NCKAP1: variants seen among roughly 807,000 people sequenced by gnomAD.
NCKAP1 encodes the protein NCK associated protein 1.
A neutral mutation model predicts 151.2 loss-of-function variants in NCKAP1; 21 were observed. The observed-to-expected ratio is 0.14, with a 90% CI of 0.10 to 0.20. The LOEUF (loss-of-function observed/expected upper bound fraction) is 0.20, where lower values mean the gene tolerates loss of function less well. Among genes scored for constraint, NCKAP1 ranks in the 10% least tolerant of loss-of-function variants. NCKAP1 has a pLI of 1.00. For missense variants in NCKAP1, 933 were observed against 1,352.1 expected, an observed-to-expected ratio of 0.69 and a Z score of 4.86; for synonymous variants, 484 against 451.8, an observed-to-expected ratio of 1.07 and a Z score of -0.90.
In NCKAP1 at chr2:182,953,115, A is replaced by T. The variant is rs1365055113; in HGVS notation, c.2370T>A (p.Asn790Lys). 1 of 1,598,406 alleles carries T rather than the reference A, an allele frequency of 6.3e-7. No individual in the cohort carries two copies. The part of the protein sequence containing the change: ...GEPTITSLYT[N>K]WYLETLLRQV... ...AAATTTCTAAATGCATTCCTTACCA[A>T]TTTGTGTATAGACTTGTAATGGTTG... Residue 790 changes from asparagine to lysine, a missense_variant and splice_region_variant, in exon 21 of 31, where the codon AAT (asparagine) becomes AAA (lysine). Physicochemically the swap from Asn to Lys is moderately conservative, Grantham distance 94 (BLOSUM62 0). Around this residue, in one of 2 missense-constraint regions of NCKAP1, gnomAD observed 326 missense variants for 557.1 expected, o/e 0.59. Transcript: ENST00000361354.
chr2:183,015,793 T>C (rs1698672326), intron 2 of NCKAP1, among the ~76,000 whole-genome samples: 1 of 149,836 alleles, frequency 6.7e-6, no homozygotes. Context: ...CACTGTATAA[T>C]TACAGAACCA....
In NCKAP1 at chr2:182,923,475, G is replaced by A. The variant is rs751656575; in HGVS notation, c.*2227C>T. On this transcript the variant is annotated 3_prime_UTR_variant, in exon 31 of 31. Coordinates refer to ENST00000361354, the MANE Select transcript of NCKAP1 (RefSeq NM_013436.5). ...TTTAGTAGTGTCAGGGTTTTGCCAT[G>A]TTGGCCAGGCTGGTGTTGAACTCCT... The A allele has an allele frequency of 2.6e-5, 4 of 152,198 alleles. No homozygotes were observed. The highest frequency in any genetic ancestry group is 4.4e-5 in the Non-Finnish European group (3 of 68,062). 9.4% of individuals were successfully genotyped at this position (152,198 alleles called of 1,614,324 possible).
rs977276835 is a variant in NCKAP1, at chr2:182,918,670, T to C, written c.*7032A>G. The C allele has an allele frequency of 6.6e-6, 1 of 152,136 alleles. No homozygotes were observed. The highest frequency in any genetic ancestry group is 6.6e-5 in the Admixed American group (1 of 15,266). 9.4% of individuals were successfully genotyped at this position (152,136 alleles called of 1,614,324 possible). On this transcript the variant is annotated 3_prime_UTR_variant, in exon 31 of 31. Coordinates refer to ENST00000361354, the MANE Select transcript of NCKAP1 (RefSeq NM_013436.5). Reference sequence around the variant, plus strand: ...GGCATACAGAGTGATATCATGGACTTTGGAGACTCAGAAGTGGGAGGATGG... The same window carrying C: ...GGCATACAGAGTGATATCATGGACTCTGGAGACTCAGAAGTGGGAGGATGG...
rs1387969651 is a variant in NCKAP1 at position 182,913,384 on chromosome 2, A to T, written c.*12318T>A. On this transcript the variant is annotated 3_prime_UTR_variant, in exon 31 of 31. Coordinates refer to ENST00000361354, the MANE Select transcript of NCKAP1 (RefSeq NM_013436.5). Reference sequence around the variant, plus strand: ...AGAGCTCTGCCCTCATGAGTGAATGAATTTATTTCTAGATTAATGGATTGA... The same window carrying T: ...AGAGCTCTGCCCTCATGAGTGAATGTATTTATTTCTAGATTAATGGATTGA... 1 of 152,154 alleles carries T rather than the reference A, an allele frequency of 6.6e-6. No homozygotes were observed. Among genetic ancestry groups the T allele is most frequent in the Non-Finnish European group, 1.5e-5 (1 of 68,026 alleles). 9.4% of individuals were successfully genotyped at this position (152,154 alleles called of 1,614,324 possible).
intron 23 of NCKAP1, among the ~76,000 whole-genome samples, chr2:182,949,129 A>G (rs1364212312): frequency 6.6e-6 from 1 of 152,192 alleles, no homozygotes; most frequent in Non-Finnish European, 1.5e-5. Context: ...AAAAATTACT[A>G]CTTAGATACT....
chr2:183,031,399 C>T (rs187099851), intron 1 of NCKAP1, among the ~76,000 whole-genome samples: 30 of 152,084 alleles, frequency 2.0e-4, no homozygotes, highest in African/African-American at 6.3e-4. Context: ...TATTGTCATA[C>T]CTTTGCGGTT....
At position 182,921,645 on chromosome 2, in the gene NCKAP1, G is replaced by A. The variant is rs973015407; in HGVS notation, c.*4057C>T. 4 of 152,146 alleles carry A rather than the reference G, an allele frequency of 2.6e-5. No individual in the cohort carries two copies. The highest frequency in any genetic ancestry group is 9.7e-5 in the African/African-American group (4 of 41,422). 9.4% of individuals were successfully genotyped at this position (152,146 alleles called of 1,614,324 possible). A position where few individuals can be genotyped will look rare whatever the true frequency, so the allele number is the denominator to read the frequency against. On this transcript the variant is annotated 3_prime_UTR_variant, in exon 31 of 31. Coordinates refer to ENST00000361354, the MANE Select transcript of NCKAP1 (RefSeq NM_013436.5). ...CAGAAATGAGACATGGCCCTCTGTGGCTAGGATCCTAACTTCAGATTGCTA... is the reference window on the plus strand; with the variant it reads ...CAGAAATGAGACATGGCCCTCTGTGACTAGGATCCTAACTTCAGATTGCTA...
intron 1 of NCKAP1, among the ~76,000 whole-genome samples, chr2:183,036,990 T>C (rs1699114637): frequency 6.6e-6 from 1 of 152,212 alleles, no homozygotes; most frequent in Non-Finnish European, 1.5e-5. Flanking sequence ...AATATCTCTT[T>C]TTCTCTTTAT....
chr2:182,973,641 T>C (rs1395273370), intron 15 of NCKAP1, among the ~76,000 whole-genome samples: 2 of 152,176 alleles, frequency 1.3e-5, no homozygotes, highest in East Asian at 1.9e-4. Flanking sequence ...CAACCACTAC[T>C]GGCTATCTAT....
At chr2:183,034,800 C>T (rs1229028313) in intron 1 of NCKAP1, among the ~76,000 whole-genome samples, 1 of 152,108 alleles carries the variant, frequency 6.6e-6, no homozygotes, top group Non-Finnish European at 1.5e-5. Context: ...AATTTCTACT[C>T]TACTACTTCA....
rs1250342239 is a variant in NCKAP1, at chr2:182,994,947, G to A, written c.742-60C>T. On this transcript the variant is annotated intron_variant, in intron 7 of 30. Coordinates refer to ENST00000361354, the MANE Select transcript of NCKAP1 (RefSeq NM_013436.5). ...GAAATTCTAAAAAATATTCCATATTGAGCCACTCTCCTCCCTTTCTCCTGA... is the reference window on the plus strand; with the variant it reads ...GAAATTCTAAAAAATATTCCATATTAAGCCACTCTCCTCCCTTTCTCCTGA... 9.8e-6 allele frequency: 13 copies of A among 1,331,692 alleles called. No homozygotes were observed. In the East Asian group the frequency reaches 2.1e-4, roughly 21 times the overall value. 82.5% of individuals were successfully genotyped at this position (1,331,692 alleles called of 1,614,324 possible).
chr2:182,951,533 G>A (rs950338822), intron 23 of NCKAP1, among the ~76,000 whole-genome samples: 1 of 150,774 alleles, frequency 6.6e-6, no homozygotes, highest in Non-Finnish European at 1.5e-5. Flanking sequence ...GCCAGGCTTG[G>A]TGGTGCGTGC....
intron 23 of NCKAP1, among the ~76,000 whole-genome samples, chr2:182,943,936 G>T (rs1267004211): frequency 6.6e-6 from 1 of 152,136 alleles, no homozygotes; most frequent in African/African-American, 2.4e-5. Flanking sequence ...AATCCCTAAA[G>T]AAATGGTTCC....
chr2:182,928,056 G>A (rs985786603), intron 29 of NCKAP1, 61 bp downstream of exon 29: 5 of 1,141,002 alleles, frequency 4.4e-6, no homozygotes, highest in Non-Finnish European at 6.4e-6. Context: ...TACATTTTGT[G>A]GTTGTGAATT....
chr2:182,936,772 C>T (rs1559072673), intron 24 of NCKAP1, among the ~76,000 whole-genome samples: 1 of 152,150 alleles, frequency 6.6e-6, no homozygotes, highest in Non-Finnish European at 1.5e-5. Flanking sequence ...GCAGGAACTA[C>T]TCTTAATCTT....
chr2:182,974,730 ATG>A (rs1295631425), intron 15 of NCKAP1, among the ~76,000 whole-genome samples: 1 of 152,182 alleles, frequency 6.6e-6, no homozygotes, highest in African/African-American at 2.4e-5. Context: ...CTTCAGAACT[ATG>A]AAATAATACA....
At chr2:182,959,119 A>T (rs1472000181) in intron 18 of NCKAP1, among the ~76,000 whole-genome samples, 4 of 152,236 alleles carry the variant, frequency 2.6e-5, no homozygotes. Context: ...AAGGAAAGTT[A>T]TTTAGTCATT....
chr2:183,030,525 G>A (rs566738729), intron 1 of NCKAP1, among the ~76,000 whole-genome samples: 5 of 152,266 alleles, frequency 3.3e-5, no homozygotes, highest in South Asian at 2.1e-4. Context: ...AATGCTATTC[G>A]TGAGGGCACA....
intron 18 of NCKAP1, among the ~76,000 whole-genome samples, chr2:182,957,969 T>C (rs146843486): frequency 9.9e-5 from 15 of 152,268 alleles, no homozygotes; most frequent in African/African-American, 3.1e-4. Context: ...AAAGATATGA[T>C]GGTTCAGAGC....
Sources: allele counts gnomAD v4.1 joint callset (sites outside exome capture counted in the v4.1 genomes callset), GRCh38; gene constraint gnomAD v4.1.1; regional missense constraint gnomAD v4.1.1; transcripts MANE v1.5; gene names NCBI Gene and HGNC (gene_info 2026-07-23, HGNC 2026-07-21).